The following SAMD12 variants were observed in gnomAD, a reference collection of about 807,000 sequenced individuals.
SAMD12 encodes the protein sterile alpha motif domain-containing protein 12.
In SAMD12, 9 loss-of-function variants were observed where a neutral mutation model predicts 15.0. The observed-to-expected ratio is 0.60, with a 90% CI of 0.36 to 1.05. The LOEUF (loss-of-function observed/expected upper bound fraction) is 1.05. Ranked by LOEUF, SAMD12 falls within the 50% of genes least tolerant of loss-of-function variation. The pLI is 0.01. For synonymous variants in SAMD12, 86 were observed against 90.1 expected (o/e 0.96, Z 0.25); for missense variants, 230 against 234.2 (o/e 0.98, Z 0.12).
At chr8:118,224,499 A>G (rs980784957) in intron 4 of SAMD12, among the ~76,000 whole-genome samples, 55 of 152,208 alleles carry the variant, frequency 3.6e-4, no homozygotes, top group African/African-American at 1.3e-3. Flanking sequence ...GGTTTGTTTA[A>G]GGATGGGGCC....
chr8:118,171,570 T>A, the SAMD12 span, among the ~76,000 whole-genome samples: 4 of 152,038 alleles, frequency 2.6e-5, no homozygotes, highest in African/African-American at 9.7e-5. Flanking sequence ...CTAGGTGAAA[T>A]AAGTTGGTAG....
At chr8:118,506,686 A>G (rs1368880100) in intron 2 of SAMD12, among the ~76,000 whole-genome samples, 5 of 152,012 alleles carry the variant, frequency 3.3e-5, no homozygotes, top group Non-Finnish European at 5.9e-5. Context: ...CTAGAGTCAC[A>G]TTCCACTGTT....
At chr8:118,272,435 T>C (rs956402435) in intron 4 of SAMD12, among the ~76,000 whole-genome samples, 2 of 152,186 alleles carry the variant, frequency 1.3e-5, no homozygotes, top group Non-Finnish European at 2.9e-5. Context: ...CTGGCTGCAG[T>C]GAAGGTCTCT....
intron 2 of SAMD12, among the ~76,000 whole-genome samples, chr8:118,556,271 A>G (rs1396665102): frequency 6.6e-6 from 1 of 152,226 alleles, no homozygotes; most frequent in Non-Finnish European, 1.5e-5. Flanking sequence ...CAATAATCCA[A>G]TGTTCATCTT....
At chr8:118,199,967 A>G (rs967735470) in intron 4 of SAMD12, among the ~76,000 whole-genome samples, 1 of 152,180 alleles carries the variant, frequency 6.6e-6, no homozygotes, top group African/African-American at 2.4e-5. Flanking sequence ...CATTGTGGGG[A>G]GAACCCGGTG....
chr8:118,190,748 A>G (rs1200747678), exon 5 of SAMD12: 1 of 152,172 alleles, frequency 6.6e-6, no homozygotes, highest in Non-Finnish European at 1.5e-5. Flanking sequence ...TTAGCCTCCA[A>G]ACAACCCCAT....
rs78970806 is a variant in SAMD12, at chr8:118,360,258, A to T, written c.433+19302T>A. 3.5e-4 allele frequency among the ~76,000 whole-genome samples: 54 copies of T among 152,342 alleles called. No individual in the cohort carries two copies. The East Asian group carries it at 0.01, about 28-fold the overall frequency. On this transcript the variant is annotated intron_variant, in intron 4 of 4. Transcript: ENST00000409003. ...ACTGTAACAAATCTTAGTATCTACC[A>T]GAAGCTATTCTGAAGATGAGGAAAC...
At chr8:118,472,727 A>C (rs1823836791) in intron 2 of SAMD12, among the ~76,000 whole-genome samples, 1 of 152,170 alleles carries the variant, frequency 6.6e-6, no homozygotes. Flanking sequence ...GATTCTACTT[A>C]TTCAGTGGTT....
intron 1 of SAMD12, among the ~76,000 whole-genome samples, chr8:118,617,468 G>GA (rs1411052940): frequency 1.3e-5 from 2 of 152,168 alleles, no homozygotes; most frequent in East Asian, 3.8e-4. Context: ...ATTTATGATG[G>GA]AAAATTCAGA....
intron 4 of SAMD12, among the ~76,000 whole-genome samples, chr8:118,279,944 C>T (rs995489682): frequency 2.0e-5 from 3 of 152,130 alleles, no homozygotes; most frequent in African/African-American, 7.2e-5. Context: ...ACGCACATGC[C>T]CTATGTTGGC....
At position 118,486,284 on chromosome 8, in the gene SAMD12, T is replaced by C. The variant is rs181459215; in HGVS notation, c.193-46323A>G. On this transcript the variant is annotated intron_variant, in intron 2 of 3. Coordinates refer to ENST00000314727, the MANE Select transcript of SAMD12 (RefSeq NM_207506.3). ...CAAAAAAATTAGTCGGGTGTAGTGG[T>C]GGGCGCCTGTAGTCCCAGCTACTCG... is the stretch of plus-strand genomic sequence containing the variant. 2.7e-3 allele frequency among the ~76,000 whole-genome samples: 412 copies of C among 151,744 alleles called. 7 individuals carry two copies. The highest frequency in any genetic ancestry group is 0.018 in the Admixed American group (281 of 15,226).
intron 2 of SAMD12, among the ~76,000 whole-genome samples, chr8:118,570,080 G>C (rs899988057): frequency 6.6e-6 from 1 of 152,106 alleles, no homozygotes; most frequent in African/African-American, 2.4e-5. Context: ...CAGAAATCAC[G>C]GGAGCCAGCT....
At position 118,379,453 on chromosome 8, in the gene SAMD12, G is replaced by A; in HGVS notation, c.570C>T (p.His190=). The change falls in exon 4 of 4, where the codon CAC becomes CAT. Residue 190 remains histidine, a synonymous_variant. Coordinates refer to ENST00000314727, the MANE Select transcript of SAMD12 (RefSeq NM_207506.3). ...TACTATTTTCTATGATGGAAATTCT[G>A]TGAAGAAACAATAACAAATTCTCCC... The part of the protein sequence containing the change: ...GVRENLLLFL[H]RISIIENSIQ... 6.2e-7 allele frequency: 1 copy of A among 1,613,684 alleles called. No individual in the cohort carries two copies. Among genetic ancestry groups the A allele is most frequent in the Non-Finnish European group, 8.5e-7 (1 of 1,179,776 alleles).
intron 1 of SAMD12, among the ~76,000 whole-genome samples, chr8:118,590,381 T>C (rs1827557641): frequency 1.3e-5 from 2 of 152,200 alleles, no homozygotes; most frequent in Non-Finnish European, 2.9e-5. Context: ...TCTCTGTCAA[T>C]TGGTAAAGAG....
At chr8:118,308,925 G>C (rs1815481638) in intron 4 of SAMD12, among the ~76,000 whole-genome samples, 1 of 151,956 alleles carries the variant, frequency 6.6e-6, no homozygotes, top group South Asian at 2.1e-4. Context: ...ATTACTTCTA[G>C]GAAAAGCCCA....
At chr8:118,379,794 AG>A in intron 3 of SAMD12, 94 bp from the exon 4 acceptor site, 5 of 1,460,676 alleles carry the variant, frequency 3.4e-6, no homozygotes, top group Non-Finnish European at 4.6e-6. Context: ...CCATCACAGA[AG>A]TTTCTACCTA....
intron 4 of SAMD12, among the ~76,000 whole-genome samples, chr8:118,321,163 AT>A (rs1169470747): frequency 2.7e-5 from 2 of 74,556 alleles, no homozygotes; most frequent in African/African-American, 1.3e-4. Context: ...ATATATATAT[AT>A]ATATATATAT....
chr8:118,393,389 C>CATATAT (rs36073416), intron 3 of SAMD12, among the ~76,000 whole-genome samples: 2 of 148,562 alleles, frequency 1.3e-5, no homozygotes, highest in African/African-American at 5.0e-5. Flanking sequence ...TGTGTATATA[C>CATATAT]ATATATATAT....
chr8:118,389,794 C>T (rs1294011612), intron 3 of SAMD12, among the ~76,000 whole-genome samples: 3 of 151,734 alleles, frequency 2.0e-5, no homozygotes, highest in African/African-American at 7.3e-5. Context: ...CCAATACATT[C>T]TTGCTATGAT....
Sources: gnomAD v4.1 joint callset for allele counts (sites outside exome capture counted in the v4.1 genomes callset) on GRCh38, gnomAD v4.1.1 for gene constraint, MANE v1.5 for transcripts, NCBI Gene and HGNC (gene_info 2026-07-23, HGNC 2026-07-21) for gene names.